The following ADGRB3 variants were observed in gnomAD, a reference collection of about 807,000 sequenced individuals.
ADGRB3 encodes the protein brain-specific angiogenesis inhibitor 3.
In ADGRB3, 37 loss-of-function variants were observed where a neutral mutation model predicts 193.4. The ratio of observed to expected loss-of-function variants is 0.19; its 90% CI spans 0.15 to 0.25. ADGRB3 has a LOEUF of 0.25. Ranked by LOEUF, ADGRB3 falls within the 10% of genes least tolerant of loss-of-function variation. The pLI is 1.00. For missense variants in ADGRB3, 1,637 were observed against 1,852.9 expected, an observed-to-expected ratio of 0.88 and a Z score of 2.14; for synonymous variants, 690 against 644.2, an observed-to-expected ratio of 1.07 and a Z score of -1.08.
chr6:69,361,408 G>C lies in ADGRB3; in HGVS notation c.4135G>C (p.Glu1379Gln), dbSNP rs1769448792. 6.2e-7 allele frequency: 1 copy of C among 1,612,852 alleles called. No individual in the cohort carries two copies. Among genetic ancestry groups the C allele is most frequent in the South Asian group, 1.1e-5 (1 of 91,060 alleles). ...GGAACATATGCAGAATTTGCCCTTT[G>C]AACCTCGCACAGCTGTGAAGAATTT... ...PQEHMQNLPF[E>Q]PRTAVKNFMA... The change falls in exon 29 of 32, where the codon GAA becomes CAA. Residue 1379 changes from glutamate (E) to glutamine (Q), a missense_variant. Glu to Gln is a conservative substitution (Grantham distance 29). Coordinates refer to ENST00000370598, the MANE Select transcript of ADGRB3 (RefSeq NM_001704.3).
chr6:69,064,278 A>ACTTTAAACTATTCTAAATAGTTTAACT (rs1771834025), intron 16 of ADGRB3, among the ~76,000 whole-genome samples: 4 of 151,536 alleles, frequency 2.6e-5, no homozygotes, highest in Non-Finnish European at 4.4e-5. Flanking sequence ...AAACTATTTA[A>ACTTTAAACTATTCTAAATAGTTTAACT]CTTTAAACTA....
intron 17 of ADGRB3, among the ~76,000 whole-genome samples, chr6:69,186,982 C>G (rs997140010): frequency 7.3e-6 from 1 of 136,536 alleles, no homozygotes. Context: ...TGAATTGTTT[C>G]TTCAATGTAT....
At chr6:68,954,097 G>A (rs1478677291) in intron 6 of ADGRB3, among the ~76,000 whole-genome samples, 2 of 152,108 alleles carry the variant, frequency 1.3e-5, no homozygotes, top group Admixed American at 1.3e-4. Flanking sequence ...TGCTGACTTT[G>A]TCTAAATTGT....
chr6:69,384,779 G>C (rs1468764873), intron 31 of ADGRB3, among the ~76,000 whole-genome samples: 22 of 151,828 alleles, frequency 1.4e-4, no homozygotes, highest in Non-Finnish European at 1.5e-5. Flanking sequence ...AAATATCTGA[G>C]AAGAGAGAGA....
intron 3 of ADGRB3, among the ~76,000 whole-genome samples, chr6:68,768,046 A>G (rs1766544771): frequency 6.6e-6 from 1 of 152,192 alleles, no homozygotes; most frequent in Non-Finnish European, 1.5e-5. Context: ...GAGAAGACAC[A>G]AACAAATGGA....
At position 69,320,825 on chromosome 6, in the gene ADGRB3, A is replaced by ATGTGTGTGTGTG. The variant is rs5877204; in HGVS notation, c.2815-4029_2815-4018dup. 3.3e-3 allele frequency among the ~76,000 whole-genome samples: 487 copies of ATGTGTGTGTGTG among 146,354 alleles called. 1 individual carries two copies. The highest frequency in any genetic ancestry group is 6.8e-3 in the Middle Eastern group (2 of 294). On this transcript the variant is annotated intron_variant, in intron 20 of 31. Coordinates refer to ENST00000370598, the MANE Select transcript of ADGRB3 (RefSeq NM_001704.3). ...AGTATATGTGCTTGTGCATGTGTGT[A>ATGTGTGTGTGTG]TGTGTGTGTGTGTGTGTGTGTGTGT...
At chr6:68,990,592 C>T (rs1040490304) in intron 10 of ADGRB3, among the ~76,000 whole-genome samples, 2 of 152,124 alleles carry the variant, frequency 1.3e-5, no homozygotes, top group African/African-American at 4.8e-5. Context: ...CTGACCCAGA[C>T]GTGACAGACT....
chr6:68,887,475 T>C (rs1765942688), intron 3 of ADGRB3, among the ~76,000 whole-genome samples: 1 of 152,118 alleles, frequency 6.6e-6, no homozygotes, highest in African/African-American at 2.4e-5. Flanking sequence ...CAAACTAATT[T>C]CTTAAGTACT....
chr6:69,042,662 A>G (rs779906180), intron 13 of ADGRB3, among the ~76,000 whole-genome samples: 1 of 152,144 alleles, frequency 6.6e-6, no homozygotes, highest in Non-Finnish European at 1.5e-5. Flanking sequence ...TCCTGACCCT[A>G]TATTTTTCTT....
intron 3 of ADGRB3, among the ~76,000 whole-genome samples, chr6:68,916,859 T>C (rs1167689009): frequency 6.6e-6 from 1 of 152,188 alleles, no homozygotes; most frequent in Non-Finnish European, 1.5e-5. Flanking sequence ...CAGATTCTAC[T>C]GGGCTTTTTC....
At chr6:69,196,818 G>A (rs1301853889) in intron 17 of ADGRB3, among the ~76,000 whole-genome samples, 2 of 152,058 alleles carry the variant, frequency 1.3e-5, no homozygotes, top group Non-Finnish European at 2.9e-5. Flanking sequence ...TATTTAAAGA[G>A]GTAATTCCTT....
intron 16 of ADGRB3, among the ~76,000 whole-genome samples, chr6:69,065,382 G>T (rs542326324): frequency 2.6e-5 from 4 of 152,088 alleles, no homozygotes; most frequent in Admixed American, 6.6e-5. Flanking sequence ...TCTCTGGGCT[G>T]CTCTGGACTC....
At chr6:68,829,060 G>T (rs555504386) in intron 3 of ADGRB3, among the ~76,000 whole-genome samples, 89 of 136,958 alleles carry the variant, frequency 6.5e-4, no homozygotes, top group African/African-American at 2.3e-3. Flanking sequence ...AACAAATCAG[G>T]TTGTTTTTTT....
chr6:69,112,311 G>A (rs1351937454), intron 17 of ADGRB3, among the ~76,000 whole-genome samples: 7 of 152,164 alleles, frequency 4.6e-5, no homozygotes. Context: ...ATAAGTGGAG[G>A]ATAAACAGTT....
chr6:68,847,489 G>T (rs1330282698), intron 3 of ADGRB3, among the ~76,000 whole-genome samples: 1 of 152,126 alleles, frequency 6.6e-6, no homozygotes, highest in Non-Finnish European at 1.5e-5. Context: ...TTGAATCATT[G>T]TTGCCGGTTT....
chr6:68,746,396 G>GC (rs1766085068), intron 3 of ADGRB3, among the ~76,000 whole-genome samples: 1 of 151,710 alleles, frequency 6.6e-6, no homozygotes, highest in Non-Finnish European at 1.5e-5. Flanking sequence ...ATTCACAAGA[G>GC]CCCTTTCTAT....
At chr6:68,956,363 G>T (rs900350594) in intron 7 of ADGRB3, among the ~76,000 whole-genome samples, 175 bp downstream of exon 7, 1 of 151,706 alleles carries the variant, frequency 6.6e-6, no homozygotes, top group South Asian at 2.1e-4. Flanking sequence ...GATTATACCA[G>T]AATTTATTCT....
intron 11 of ADGRB3, among the ~76,000 whole-genome samples, chr6:69,001,369 T>A (rs1424788485): frequency 6.6e-6 from 1 of 152,218 alleles, no homozygotes; most frequent in Admixed American, 6.5e-5. Context: ...ATGCAGATCA[T>A]AAAGGCAGGA....
intron 20 of ADGRB3, among the ~76,000 whole-genome samples, chr6:69,294,661 A>G (rs1162361740): frequency 1.2e-4 from 19 of 152,188 alleles, no homozygotes; most frequent in Admixed American, 1.2e-3. Context: ...TAATGAAGAT[A>G]AAATCCGTGC....
Sources: gnomAD v4.1 joint callset for allele counts (sites outside exome capture counted in the v4.1 genomes callset) on GRCh38, gnomAD v4.1.1 for gene constraint, MANE v1.5 for transcripts, NCBI Gene and HGNC (gene_info 2026-07-23, HGNC 2026-07-21) for gene names.